ANO2: variants seen among roughly 807,000 people sequenced by gnomAD.
ANO2 encodes anoctamin 2.
In ANO2, 101 loss-of-function variants were observed where a neutral mutation model predicts 124.2. The observed-to-expected ratio is 0.81, with a 90% confidence interval of 0.69 to 0.96. The LOEUF (loss-of-function observed/expected upper bound fraction) is 0.96, where lower values mean the gene tolerates loss of function less well. Among genes scored for constraint, ANO2 ranks in the 40% least tolerant of loss-of-function variants. The pLI is 0.00. For synonymous variants in ANO2, 486 were observed against 482.5 expected (o/e 1.01, Z -0.09); for missense variants, 1,293 against 1,274.5 (o/e 1.01, Z -0.22).
chr12:5,796,455 C>T (rs1313488641), intron 10 of ANO2, among the ~76,000 whole-genome samples: 3 of 146,818 alleles, frequency 2.0e-5, no homozygotes, highest in Non-Finnish European at 4.5e-5. Flanking sequence ...CACACACACA[C>T]CCACTCTTGC....
intron 19 of ANO2, 99 bp downstream of exon 19, chr12:5,612,557 C>CT: frequency 1.0e-6 from 1 of 965,976 alleles, no homozygotes; most frequent in African/African-American, 1.6e-5. Flanking sequence ...ACCAAGCTGT[C>CT]TAAGAAGAGG....
chr12:5,659,977 G>A (rs1225829846), intron 14 of ANO2, among the ~76,000 whole-genome samples: 2 of 152,152 alleles, frequency 1.3e-5, no homozygotes, highest in South Asian at 2.1e-4. Flanking sequence ...AAGGCCTGGG[G>A]CAAGCAAGTC....
rs546049362 is a variant in ANO2 at position 5,610,731 on chromosome 12, T to C, written c.2087+1925A>G. Among the ~76,000 whole-genome samples the C allele has an allele frequency of 1.8e-3, 164 of 93,618 alleles. 1 individual carries two copies. The highest frequency in any genetic ancestry group is 2.2e-3 in the African/African-American group (53 of 24,032). 61.4% of individuals were successfully genotyped at this position (93,618 alleles called of 152,430 possible). On this transcript the variant is annotated intron_variant, in intron 19 of 24. Coordinates refer to ENST00000682330, the MANE Select transcript of ANO2 (RefSeq NM_001364791.2). ...ATGTGTACACATATATACATATATA[T>C]ATATATATATATGAAAATAAATAAC... is the stretch of plus-strand genomic sequence containing the variant.
Position 5,933,392 on chromosome 12 carries a change from G to T in ANO2, c.23-10588C>A, listed in dbSNP as rs560201394. On this transcript the variant is annotated intron_variant, in intron 1 of 24. Transcript: ENST00000682330. ...AACGAGGTTCACAATTTATTATAAT[G>T]TTAAAAGATTTTAAGCAAGAGAACA... 5.3e-5 allele frequency among the ~76,000 whole-genome samples: 8 copies of T among 152,272 alleles called. No individual in the cohort carries two copies. In the East Asian group the frequency reaches 1.5e-3, roughly 29 times the overall value.
intron 3 of ANO2, among the ~76,000 whole-genome samples, chr12:5,894,383 A>G (rs1235420982): frequency 6.6e-6 from 1 of 152,020 alleles, no homozygotes; most frequent in Non-Finnish European, 1.5e-5. Flanking sequence ...TAGATTCTGG[A>G]TATTAGCCCT....
intron 14 of ANO2, among the ~76,000 whole-genome samples, chr12:5,719,044 A>T (rs960855861): frequency 6.6e-6 from 1 of 152,064 alleles, no homozygotes; most frequent in Non-Finnish European, 1.5e-5. Context: ...CCGTGTATTA[A>T]ATTCCCTCCA....
At chr12:5,931,476 G>A (rs1942381019) in intron 1 of ANO2, among the ~76,000 whole-genome samples, 1 of 151,964 alleles carries the variant, frequency 6.6e-6, no homozygotes, top group Admixed American at 6.6e-5. Context: ...CACAAGGAAG[G>A]AAGGCCTATA....
At chr12:5,599,815 T>C (rs1340695808) in intron 19 of ANO2, among the ~76,000 whole-genome samples, 186 bp from the exon 20 acceptor site, 1 of 152,208 alleles carries the variant, frequency 6.6e-6, no homozygotes, top group Non-Finnish European at 1.5e-5. Context: ...AAGTCCTTTA[T>C]AAAGATCGTG....
chr12:5,936,844 A>G (rs530342290), intron 1 of ANO2, among the ~76,000 whole-genome samples: 28 of 152,322 alleles, frequency 1.8e-4, no homozygotes, highest in East Asian at 1.3e-3. Context: ...TTCTTTGTAC[A>G]TGACTCTCTA....
At chr12:5,614,979 G>A (rs1944726629) in intron 17 of ANO2, among the ~76,000 whole-genome samples, 1 of 152,188 alleles carries the variant, frequency 6.6e-6, no homozygotes, top group Admixed American at 6.5e-5. Context: ...TCCCTGTAAA[G>A]TGCCAGGGTC....
chr12:5,576,825 T>C (rs1942439898), intron 22 of ANO2, among the ~76,000 whole-genome samples: 1 of 152,228 alleles, frequency 6.6e-6, no homozygotes, highest in Admixed American at 6.5e-5. Flanking sequence ...TCTCTAAATG[T>C]GTATGTGAAT....
intron 14 of ANO2, among the ~76,000 whole-genome samples, chr12:5,717,913 C>T (rs1318617119): frequency 6.6e-6 from 1 of 152,216 alleles, no homozygotes; most frequent in Non-Finnish European, 1.5e-5. Flanking sequence ...TTATTCATGA[C>T]AATCTCACTT....
rs1029686597 is a variant in ANO2, at chr12:5,862,578, C to T, written c.535-8437G>A. On this transcript the variant is annotated intron_variant, in intron 3 of 24. Coordinates refer to ENST00000682330, the MANE Select transcript of ANO2 (RefSeq NM_001364791.2). This position sits in a 1 kb window ranked among gnomAD's most constrained non-coding sequence, Gnocchi z 4.0. ...TGAAGAGGAAGCAGTGAGGGGAGCC[C>T]AGGGAGACTGAGGAGTCCAACCCTC... Among the ~76,000 whole-genome samples, 1 of 152,112 alleles carries T rather than the reference C, an allele frequency of 6.6e-6. No individual in the cohort carries two copies. Among genetic ancestry groups the T allele is most frequent in the Admixed American group, 6.5e-5 (1 of 15,282 alleles).
intron 14 of ANO2, among the ~76,000 whole-genome samples, chr12:5,711,017 G>T (rs1292122394): frequency 6.6e-6 from 1 of 152,046 alleles, no homozygotes; most frequent in Admixed American, 6.5e-5. Context: ...AATTAGCCGG[G>T]CGTGGTGGCA....
chr12:5,763,214 T>C (rs990507964), intron 10 of ANO2, among the ~76,000 whole-genome samples: 1 of 152,070 alleles, frequency 6.6e-6, no homozygotes, highest in Non-Finnish European at 1.5e-5. Flanking sequence ...AAAATAGGCT[T>C]ATTTAATACG....
chr12:5,719,123 G>A (rs1180386896), intron 14 of ANO2, among the ~76,000 whole-genome samples: 2 of 152,210 alleles, frequency 1.3e-5, no homozygotes, highest in African/African-American at 4.8e-5. Flanking sequence ...AGGAGACCCT[G>A]ATACCGTTAG....
rs557098873 is a variant in ANO2, at chr12:5,603,578, T to C, written c.2088-3949A>G. 7.6e-4 allele frequency among the ~76,000 whole-genome samples: 115 copies of C among 152,236 alleles called. 1 individual carries two copies. The highest frequency in any genetic ancestry group is 1.3e-3 in the Non-Finnish European group (90 of 68,018). On this transcript the variant is annotated intron_variant, in intron 19 of 24. Transcript: ENST00000682330. ...AGGGAGAGTTATTTATGCAACAGCC[T>C]AAGGCAAATGTGAAAATGGCTCATA...
At chr12:5,572,463 G>C (rs1942182165) in intron 23 of ANO2, among the ~76,000 whole-genome samples, 1 of 152,184 alleles carries the variant, frequency 6.6e-6, no homozygotes, top group Admixed American at 6.5e-5. Context: ...AAACACTTAA[G>C]TCTGTGTTAG....
chr12:5,624,271 A>G (rs1277115582), intron 16 of ANO2, among the ~76,000 whole-genome samples: 2 of 152,150 alleles, frequency 1.3e-5, no homozygotes, highest in Non-Finnish European at 2.9e-5. Flanking sequence ...AAACAGACAG[A>G]CAGACAGACA....
Sources: allele counts gnomAD v4.1 joint callset (sites outside exome capture counted in the v4.1 genomes callset), GRCh38; gene constraint gnomAD v4.1.1; non-coding constraint Gnocchi (gnomAD v3.1); transcripts MANE v1.5; gene names NCBI Gene and HGNC (gene_info 2026-07-23, HGNC 2026-07-21).